Variants in GABRP observed in about 807,000 individuals in gnomAD.
GABRP encodes gamma-aminobutyric acid type A receptor subunit pi, also known as gamma-aminobutyric acid receptor subunit pi.
A neutral mutation model predicts 47.8 loss-of-function variants in GABRP; 52 were observed. That is an observed-to-expected ratio of 1.09 (90% CI 0.87 to 1.37). The LOEUF (loss-of-function observed/expected upper bound fraction) is 1.37, where lower values mean the gene tolerates loss of function less well. GABRP is among the 40% of genes most tolerant of loss of function. The probability of loss-of-function intolerance (pLI) is 0.00; values close to 1 mark genes in which losing one functional copy is unlikely to be tolerated. For synonymous variants in GABRP, 221 were observed against 205.8 expected, an observed-to-expected ratio of 1.07 and a Z score of -0.63; for missense variants, 525 against 542.8, an observed-to-expected ratio of 0.97 and a Z score of 0.33.
In GABRP at chr5:170,811,975, A is replaced by T. The variant is rs546702598; in HGVS notation, c.1040A>T (p.Glu347Val). The T allele has an allele frequency of 4.0e-5, 65 of 1,613,772 alleles. No individual in the cohort carries two copies. The highest frequency in any genetic ancestry group is 5.5e-5 in the Non-Finnish European group (65 of 1,179,816). Reference sequence around the variant, plus strand: ...AACTAGGGGACAACAAAGGAAGTAGAAGAAGTCAGTATTACTAATATCATC... The same window carrying T: ...AACTAGGGGACAACAAAGGAAGTAGTAGAAGTCAGTATTACTAATATCATC... ...AKDRGTTKEV[E>V]EVSITNIINS... The change falls in exon 10 of 10, where the codon GAA (glutamate) becomes GTA (valine). Residue 347 changes from glutamate to valine, a missense_variant. Transcript: ENST00000265294.
chr5:170,785,888 A>G (rs1399334860), intron 1 of GABRP, among the ~76,000 whole-genome samples: 1 of 152,224 alleles, frequency 6.6e-6, no homozygotes, highest in Non-Finnish European at 1.5e-5. Context: ...TCTCTGTCCA[A>G]CATTTGGAGG....
At position 170,808,587 on chromosome 5, in the gene GABRP, T is replaced by A; in HGVS notation, c.680-13T>A. The A allele has an allele frequency of 3.1e-6, 5 of 1,612,206 alleles. No homozygotes were observed. The highest frequency in any genetic ancestry group is 4.2e-6 in the Non-Finnish European group (5 of 1,178,742). On this transcript the variant is annotated splice_polypyrimidine_tract_variant and intron_variant, in intron 7 of 9. Transcript: ENST00000265294. The stretch of plus-strand genomic sequence containing the variant: ...AACAGACACAATTTCCTATCTGTTG[T>A]TTACCCTTTCAGGAAATTACACTAG...
At chr5:170,795,819 G>A (rs765561313) in intron 5 of GABRP, among the ~76,000 whole-genome samples, 1 of 152,204 alleles carries the variant, frequency 6.6e-6, no homozygotes, top group Non-Finnish European at 1.5e-5. Context: ...AGAAATAAGG[G>A]CAATGGCAGA....
intron 9 of GABRP, among the ~76,000 whole-genome samples, chr5:170,811,521 T>G (rs1337326614): frequency 3.3e-5 from 5 of 152,128 alleles, no homozygotes; most frequent in Admixed American, 6.6e-5. Flanking sequence ...GCTTTCCATT[T>G]TTTACCATTT....
intron 6 of GABRP, among the ~76,000 whole-genome samples, chr5:170,803,742 GTGGTTGGTTGGTTGGTTGGT>G (rs3079467): frequency 0.15 from 22,003 of 148,062 alleles, 1,711 homozygotes; most frequent in South Asian, 0.23. Flanking sequence ...CATGCACTAT[GTGGTTGGTTGGTTGGTTGGT>G]TGGTTGGTTG....
chr5:170,805,968 G>A (rs1266287012), intron 7 of GABRP, 115 bp downstream of exon 7: 1 of 1,163,256 alleles, frequency 8.6e-7, no homozygotes, highest in Non-Finnish European at 1.2e-6. Flanking sequence ...CAGTGGAGCG[G>A]GACAGTAGGG....
chr5:170,793,814 C>T (rs1308055130), intron 3 of GABRP, among the ~76,000 whole-genome samples: 1 of 152,114 alleles, frequency 6.6e-6, no homozygotes, highest in Non-Finnish European at 1.5e-5. Context: ...TGCCTGTAAT[C>T]CCAGTTACTT....
intron 4 of GABRP, chr5:170,794,519 G>C: frequency 2.7e-6 from 1 of 367,916 alleles, no homozygotes; most frequent in Non-Finnish European, 4.9e-6. Flanking sequence ...GATTCTTGTA[G>C]AGCAGATTTC....
At chr5:170,801,793 C>A (rs1765599767) in intron 6 of GABRP, among the ~76,000 whole-genome samples, 1 of 151,086 alleles carries the variant, frequency 6.6e-6, no homozygotes, top group South Asian at 2.1e-4. Context: ...ACTCTACAGT[C>A]TAATAGAGGG....
At chr5:170,809,776 G>GTGTA (rs753071767) in intron 9 of GABRP, 21 bp downstream of exon 9, 5 of 1,569,102 alleles carry the variant, frequency 3.2e-6, no homozygotes, top group Non-Finnish European at 4.3e-6. Flanking sequence ...TGAGGGCCCT[G>GTGTA]TGTATGATCC....
intron 3 of GABRP, 29 bp downstream of exon 3, chr5:170,789,276 A>G: frequency 7.0e-7 from 1 of 1,430,912 alleles, no homozygotes; most frequent in Non-Finnish European, 9.8e-7. Flanking sequence ...CCAGGACATC[A>G]TTCAAAGGGA....
Position 170,809,566 on chromosome 5 carries a change from A to C in GABRP, c.833-2A>C. 1 of 1,613,516 alleles carries C rather than the reference A, an allele frequency of 6.2e-7. No individual in the cohort carries two copies. The highest frequency in any genetic ancestry group is 1.1e-5 in the South Asian group (1 of 91,024). ...AGGAACATCCCCTGCCTGTTTTCCC[A>C]GGAGTGACGACCGTGTTATCAATGA... is the stretch of plus-strand genomic sequence containing the variant. On this transcript the variant is annotated splice_acceptor_variant, in intron 8 of 9. Transcript: ENST00000265294. LOFTEE classifies it high-confidence loss of function.
Position 170,789,381 on chromosome 5 carries a change from T to C in GABRP, c.172+134T>C, listed in dbSNP as rs1000768261. ...CCTGTTAAGGATTGGCAATGATGGA[T>C]GAGGATGGCTACCAATGATTTTTCA... On this transcript the variant is annotated intron_variant, in intron 3 of 9. Transcript: ENST00000265294. The C allele has an allele frequency of 9.8e-6, 6 of 612,380 alleles. No individual in the cohort carries two copies. In the African/African-American group the frequency reaches 1.1e-4, roughly 11 times the overall value. 37.9% of individuals were successfully genotyped at this position (612,380 alleles called of 1,614,324 possible).
chr5:170,800,348 G>A (rs35703315), intron 6 of GABRP, among the ~76,000 whole-genome samples: 13,270 of 152,144 alleles, frequency 0.087, 1,400 homozygotes, highest in African/African-American at 0.25. Context: ...AATTCAAGAT[G>A]GATTAAAGAC....
chr5:170,809,358 G>T lies in GABRP; in HGVS notation c.833-210G>T, dbSNP rs141752095. 6.7e-3 allele frequency among the ~76,000 whole-genome samples: 1,017 copies of T among 152,112 alleles called. 7 individuals are homozygous for T. Among genetic ancestry groups the T allele is most frequent in the Middle Eastern group, 0.041 (12 of 294 alleles). ...CCCCTCCCAGGAGAAGACAGAACGT[G>T]AAACATTAAAAAAAAACACATCCCT... On this transcript the variant is annotated intron_variant, in intron 8 of 9. Coordinates refer to ENST00000265294, the MANE Select transcript of GABRP (RefSeq NM_014211.3).
chr5:170,785,738 G>A (rs1445426039), intron 1 of GABRP, among the ~76,000 whole-genome samples: 1 of 152,180 alleles, frequency 6.6e-6, no homozygotes, highest in Non-Finnish European at 1.5e-5. Context: ...ATTTCCTATA[G>A]GAGGAGGAGG....
chr5:170,807,728 T>C (rs1188969786), intron 7 of GABRP, among the ~76,000 whole-genome samples: 1 of 152,200 alleles, frequency 6.6e-6, no homozygotes, highest in Non-Finnish European at 1.5e-5. Flanking sequence ...GAAAAGTACA[T>C]ATTTTTATTC....
At chr5:170,804,471 T>C (rs1765675416) in intron 6 of GABRP, among the ~76,000 whole-genome samples, 1 of 152,172 alleles carries the variant, frequency 6.6e-6, no homozygotes, top group South Asian at 2.1e-4. Flanking sequence ...TTGTACCATT[T>C]CACATTCCCA....
Position 170,795,430 on chromosome 5 carries a change from G to A in GABRP, c.458+5G>A, listed in dbSNP as rs202079975. The A allele has an allele frequency of 1.5e-4, 234 of 1,612,058 alleles. No individual in the cohort carries two copies. Among genetic ancestry groups the A allele is most frequent in the Non-Finnish European group, 1.9e-4 (222 of 1,178,162 alleles). On this transcript the variant is annotated splice_donor_5th_base_variant and intron_variant, in intron 5 of 9. Transcript: ENST00000265294. ...CACGGTCCTGTATGCCCTCAGGTAC[G>A]CGGACACCTGTGACCTCAGGGGTGG...
Sources: gnomAD v4.1 joint callset for allele counts (sites outside exome capture counted in the v4.1 genomes callset) on GRCh38, gnomAD v4.1.1 for gene constraint, MANE v1.5 for transcripts, NCBI Gene and HGNC (gene_info 2026-07-23, HGNC 2026-07-21) for gene names.